Variants in CDH12 observed in about 807,000 individuals in gnomAD.
CDH12 encodes cadherin 12, also known as cadherin-12.
CDH12 carries 41 observed loss-of-function variants against 74.1 expected under a neutral mutation model. That is an observed-to-expected ratio of 0.55 (90% CI 0.43 to 0.72). The LOEUF (loss-of-function observed/expected upper bound fraction) is 0.72, where lower values mean the gene tolerates loss of function less well. Ranked by LOEUF, CDH12 falls within the 30% of genes least tolerant of loss-of-function variation. The pLI is 0.00. For missense variants in CDH12, 945 were observed against 977.2 expected (o/e 0.97, Z 0.44); for synonymous variants, 399 against 355.0 (o/e 1.12, Z -1.39).
chr5:22,283,227 T>TATATATATATATATATAG (rs1736977786), intron 3 of CDH12, among the ~76,000 whole-genome samples: 1 of 41,808 alleles, frequency 2.4e-5, no homozygotes, highest in Non-Finnish European at 4.6e-5. Flanking sequence ...GATATATATA[T>TATATATATATATATATAG]ATATATATAT....
chr5:22,278,789 T>C (rs1334934112), intron 3 of CDH12, among the ~76,000 whole-genome samples: 1 of 152,158 alleles, frequency 6.6e-6, no homozygotes, highest in Non-Finnish European at 1.5e-5. Flanking sequence ...TAAATAATTT[T>C]GCTTTCCACA....
intron 6 of CDH12, among the ~76,000 whole-genome samples, chr5:21,967,487 T>C (rs1367452471): frequency 6.6e-6 from 1 of 152,168 alleles, no homozygotes; most frequent in Non-Finnish European, 1.5e-5. Flanking sequence ...TGTTTAATGT[T>C]GTGAACCACT....
At chr5:22,325,222 A>C (rs1739035463) in intron 3 of CDH12, among the ~76,000 whole-genome samples, 1 of 152,214 alleles carries the variant, frequency 6.6e-6, no homozygotes, top group African/African-American at 2.4e-5. Flanking sequence ...AATCATAACA[A>C]AAACAAGCTT....
chr5:21,837,316 C>A (rs916161154), intron 8 of CDH12, among the ~76,000 whole-genome samples: 5 of 151,342 alleles, frequency 3.3e-5, no homozygotes, highest in African/African-American at 1.2e-4. Context: ...ATGCATGATA[C>A]AAATGCCTAT....
Position 22,796,813 on chromosome 5 carries a change from C to A in CDH12, c.-523+56245G>T, listed in dbSNP as rs1292811472. ...GGGATTACAGGCGTGAGCCACCGCGCCCGGCCCAGATTTTTTATCTTAAAT... is the reference window on the plus strand; with the variant it reads ...GGGATTACAGGCGTGAGCCACCGCGACCGGCCCAGATTTTTTATCTTAAAT... On this transcript the variant is annotated intron_variant, in intron 1 of 14. Transcript: ENST00000382254. 1.3e-4 allele frequency among the ~76,000 whole-genome samples: 13 copies of A among 101,636 alleles called. 3 individuals are homozygous for A. The highest frequency in any genetic ancestry group is 1.0e-3 in the Admixed American group (10 of 9,572). The allele number at this position is 101,636 out of a possible 152,430, so 66.7% of individuals were successfully genotyped here.
intron 5 of CDH12, among the ~76,000 whole-genome samples, chr5:22,037,685 C>G (rs1326354017): frequency 6.6e-6 from 1 of 152,178 alleles, no homozygotes; most frequent in Non-Finnish European, 1.5e-5. Flanking sequence ...AGAAAGTAGC[C>G]TTGCTAGAGA....
intron 4 of CDH12, among the ~76,000 whole-genome samples, chr5:22,204,409 C>T (rs1475121062): frequency 6.6e-6 from 1 of 152,198 alleles, no homozygotes; most frequent in Non-Finnish European, 1.5e-5. Flanking sequence ...GATCCGCCCG[C>T]CTCGGCCTCC....
At chr5:21,954,069 T>G (rs1169943821) in intron 6 of CDH12, among the ~76,000 whole-genome samples, 1 of 152,070 alleles carries the variant, frequency 6.6e-6, no homozygotes, top group Non-Finnish European at 1.5e-5. Flanking sequence ...TCATCCTGCT[T>G]TCAATAGCAC....
At chr5:22,283,233 T>A (rs1464899152) in intron 3 of CDH12, among the ~76,000 whole-genome samples, 1 of 22,418 alleles carries the variant, frequency 4.5e-5, no homozygotes, top group Non-Finnish European at 1.0e-4. Context: ...TATATATATA[T>A]ATATATATAT....
At chr5:22,077,033 T>C (rs995604944) in intron 5 of CDH12, among the ~76,000 whole-genome samples, 1 of 143,272 alleles carries the variant, frequency 7.0e-6, no homozygotes, top group Admixed American at 7.4e-5. Context: ...AGTTCATAGT[T>C]CTTGCTTAAT....
intron 1 of CDH12, among the ~76,000 whole-genome samples, chr5:22,587,983 C>T (rs1374415959): frequency 6.8e-6 from 1 of 148,014 alleles, no homozygotes; most frequent in Non-Finnish European, 1.5e-5. Flanking sequence ...AATCTCCATA[C>T]ATATATATGT....
rs557664584 is a variant in CDH12 at position 22,577,312 on chromosome 5, A to G, written c.-522-71948T>C. Reference sequence around the variant, plus strand: ...CTACCACTGATTTTATTTAAATTATAGAACGGATAAGTGAATATGACTGCA... The same window carrying G: ...CTACCACTGATTTTATTTAAATTATGGAACGGATAAGTGAATATGACTGCA... On this transcript the variant is annotated intron_variant, in intron 1 of 14. Transcript: ENST00000382254. Among the ~76,000 whole-genome samples, 14 of 152,366 alleles carry G rather than the reference A, an allele frequency of 9.2e-5. No homozygotes were observed. In the South Asian group the frequency reaches 2.5e-3, roughly 27 times the overall value.
At chr5:21,982,672 A>C (rs1001456199) in intron 5 of CDH12, among the ~76,000 whole-genome samples, 1 of 151,678 alleles carries the variant, frequency 6.6e-6, no homozygotes, top group Non-Finnish European at 1.5e-5. Context: ...TCAACATCTA[A>C]TTTGTTCTTT....
intron 2 of CDH12, among the ~76,000 whole-genome samples, chr5:22,453,776 G>T (rs1281420387): frequency 2.6e-5 from 4 of 152,076 alleles, no homozygotes; most frequent in Non-Finnish European, 5.9e-5. Flanking sequence ...TGAGGTGATA[G>T]ATATGCTAAT....
intron 1 of CDH12, among the ~76,000 whole-genome samples, chr5:22,585,467 G>T (rs942222435): frequency 4.6e-5 from 7 of 152,034 alleles, no homozygotes; most frequent in Non-Finnish European, 1.0e-4. Context: ...TTTTAGTAAT[G>T]ATATTGTAAA....
At chr5:21,874,161 G>A (rs1023089575) in intron 6 of CDH12, among the ~76,000 whole-genome samples, 4 of 152,086 alleles carry the variant, frequency 2.6e-5, no homozygotes, top group African/African-American at 4.8e-5. Flanking sequence ...AGAAACATAA[G>A]CAAATTTACA....
At chr5:22,437,903 G>A (rs769454203) in intron 2 of CDH12, among the ~76,000 whole-genome samples, 24 of 152,076 alleles carry the variant, frequency 1.6e-4, no homozygotes, top group Admixed American at 3.3e-4. Flanking sequence ...GTTAAACATA[G>A]CTTTTCCAAA....
At chr5:22,243,030 T>G (rs1018603626) in intron 3 of CDH12, among the ~76,000 whole-genome samples, 7 of 152,168 alleles carry the variant, frequency 4.6e-5, no homozygotes, top group Non-Finnish European at 1.0e-4. Flanking sequence ...TACTTGTCTT[T>G]GTTAAACTTG....
intron 1 of CDH12, among the ~76,000 whole-genome samples, chr5:22,716,228 G>T (rs775920616): frequency 2.6e-5 from 4 of 152,080 alleles, no homozygotes; most frequent in Non-Finnish European, 4.4e-5. Flanking sequence ...AATATTAACA[G>T]AATCAGTGTG....
Sources: gnomAD v4.1 joint callset for allele counts (sites outside exome capture counted in the v4.1 genomes callset) on GRCh38, gnomAD v4.1.1 for gene constraint, MANE v1.5 for transcripts, NCBI Gene and HGNC (gene_info 2026-07-23, HGNC 2026-07-21) for gene names.